CYTH2: variants seen among roughly 807,000 people sequenced by gnomAD.
The protein encoded by CYTH2 is cytohesin 2.
Under a neutral mutation model 55.4 loss-of-function variants are expected in CYTH2, and 24 were observed. That is an observed-to-expected ratio of 0.43 (90% CI 0.31 to 0.61). The LOEUF is 0.61. Ranked by LOEUF, CYTH2 falls within the 20% of genes least tolerant of loss-of-function variation. CYTH2 has a pLI of 0.08. For synonymous variants in CYTH2, 221 were observed against 209.6 expected (o/e 1.05, Z -0.47); for missense variants, 378 against 533.5 (o/e 0.71, Z 2.87).
In CYTH2 at chr19:48,481,564, G is replaced by C. The variant is rs1230933847; in HGVS notation, c.*2354G>C. ...GTCTCACTTTGTGCCCTAGACTGGA[G>C]TGCAATGGCGCCATCTCGGCTTACT... On this transcript the variant is annotated 3_prime_UTR_variant, in exon 12 of 12. Coordinates refer to ENST00000452733, the MANE Select transcript of CYTH2 (RefSeq NM_004228.7). The C allele has an allele frequency of 6.1e-6, 1 of 164,552 alleles. No homozygotes were observed. The highest frequency in any genetic ancestry group is 1.3e-5 in the Non-Finnish European group (1 of 75,718). 10.2% of individuals were successfully genotyped at this position (164,552 alleles called of 1,614,324 possible). A position where few individuals can be genotyped will look rare whatever the true frequency, so the allele number is the denominator to read the frequency against.
In CYTH2 at chr19:48,481,525, GT is replaced by G; in HGVS notation, c.*2320del. 1 of 170,156 alleles carries G rather than the reference GT, an allele frequency of 5.9e-6. No homozygotes were observed. The highest frequency in any genetic ancestry group is 2.6e-3 in the Middle Eastern group (1 of 392). 10.5% of individuals were successfully genotyped at this position (170,156 alleles called of 1,614,324 possible). On this transcript the variant is annotated 3_prime_UTR_variant, in exon 12 of 12. Coordinates refer to ENST00000452733, the MANE Select transcript of CYTH2 (RefSeq NM_004228.7). ...TTTGTTTTTTGTTTTGTTTTGTTTT[GT>G]TTTTGAGAGGGAGTCTCACTTTGTG...
In CYTH2 at chr19:48,474,651, A is replaced by G. The variant is rs536380639; in HGVS notation, c.697-187A>G. 5.3e-5 allele frequency among the ~76,000 whole-genome samples: 8 copies of G among 151,722 alleles called. No homozygotes were observed. In the East Asian group the frequency reaches 1.4e-3, roughly 26 times the overall value. On this transcript the variant is annotated intron_variant, in intron 7 of 11. Coordinates refer to ENST00000452733, the MANE Select transcript of CYTH2 (RefSeq NM_004228.7). This position sits in a 1 kb window ranked among gnomAD's most constrained non-coding sequence, Gnocchi z 4.9. Reference sequence around the variant, plus strand: ...CGGCTCCTCCACCTATCACCAGGGCATCTCTTCTTTCCTCCGCCACCTCAG... The same window carrying G: ...CGGCTCCTCCACCTATCACCAGGGCGTCTCTTCTTTCCTCCGCCACCTCAG...
At chr19:48,472,039 G>A (rs1002016848) in intron 3 of CYTH2, among the ~76,000 whole-genome samples, 7 of 152,188 alleles carry the variant, frequency 4.6e-5, no homozygotes, top group Non-Finnish European at 7.3e-5. Flanking sequence ...CTGCAATAGA[G>A]CGAGACCAGG....
At position 48,470,379 on chromosome 19, in the gene CYTH2, C is replaced by T. The variant is rs1251265118; in HGVS notation, c.46C>T (p.Arg16Trp). ...YEPPDLTPEE[R>W]MELENIRRRK... ...ACCCCCAGACCTGACTCCGGAGGAG[C>T]GGATGGAGCTGGAGAACATCCGGCG... The change falls in exon 2 of 12, where the codon CGG becomes TGG. Residue 16 changes from arginine to tryptophan, a missense_variant. Transcript: ENST00000452733. The T allele has an allele frequency of 6.2e-7, 1 of 1,613,048 alleles. No individual in the cohort carries two copies. The highest frequency in any genetic ancestry group is 8.5e-7 in the Non-Finnish European group (1 of 1,179,584).
rs527976148 is a variant in CYTH2 at position 48,474,548 on chromosome 19, T to G, written c.696+218T>G. On this transcript the variant is annotated intron_variant, in intron 7 of 11. Transcript: ENST00000452733. The surrounding 1 kb of genome is among the most constrained non-coding windows in gnomAD (Gnocchi z 4.9). Reference sequence around the variant, plus strand: ...CCTGACAATTTTGGCCTGTCTGTCTTCTCTGTCTCTGGCTGTTGGGCTTTC... The same window carrying G: ...CCTGACAATTTTGGCCTGTCTGTCTGCTCTGTCTCTGGCTGTTGGGCTTTC... 1.2e-4 allele frequency among the ~76,000 whole-genome samples: 18 copies of G among 152,300 alleles called. No individual in the cohort carries two copies. The highest frequency in any genetic ancestry group is 3.4e-4 in the African/African-American group (14 of 41,558).
chr19:48,470,707 C>T (rs764557492), intron 3 of CYTH2, 38 bp downstream of exon 3: 4 of 1,613,336 alleles, frequency 2.5e-6, no homozygotes, highest in South Asian at 1.1e-5. Flanking sequence ...GCTGGGCAAA[C>T]ATCCAGGCAG....
At position 48,470,498 on chromosome 19, in the gene CYTH2, C is replaced by T; in HGVS notation, c.165C>T (p.Gly55=). ...SEVEGLEANE[G]SKTLQRNRKM... ...TGGAGGGGCTGGAGGCCAATGAGGGCAGGTGAGGGCTGGGGCGGATGACCT... is the reference window on the plus strand; with the variant it reads ...TGGAGGGGCTGGAGGCCAATGAGGGTAGGTGAGGGCTGGGGCGGATGACCT... The change falls in exon 2 of 12, where the codon GGC becomes GGT. Residue 55 remains glycine, a splice_region_variant and synonymous_variant. Coordinates refer to ENST00000452733, the MANE Select transcript of CYTH2 (RefSeq NM_004228.7). 6.2e-7 allele frequency: 1 copy of T among 1,613,592 alleles called. No homozygotes were observed. Among genetic ancestry groups the T allele is most frequent in the Non-Finnish European group, 8.5e-7 (1 of 1,179,626 alleles).
chr19:48,469,447 C>A lies in CYTH2; in HGVS notation c.-61C>A. Reference sequence around the variant, plus strand: ...GGGCTCACCCGAGCCCGCGGGCCAACGCGGATCCAGGCCCGACTGGCGGGA... The same window carrying A: ...GGGCTCACCCGAGCCCGCGGGCCAAAGCGGATCCAGGCCCGACTGGCGGGA... On this transcript the variant is annotated 5_prime_UTR_variant, in exon 1 of 12. Transcript: ENST00000452733. 1 of 1,319,444 alleles carries A rather than the reference C, an allele frequency of 7.6e-7. No homozygotes were observed. The highest frequency in any genetic ancestry group is 9.7e-7 in the Non-Finnish European group (1 of 1,025,874). The allele number at this position is 1,319,444 out of a possible 1,614,324, so 81.7% of individuals were successfully genotyped here.
chr19:48,478,419 C>T lies in CYTH2; in HGVS notation c.958-19C>T. ...CCCAGGGCTGGTTCTTACCTGCGCC[C>T]TTCCTCTCTCGTCCCCAGAACTGCT... On this transcript the variant is annotated intron_variant, in intron 10 of 11. Coordinates refer to ENST00000452733, the MANE Select transcript of CYTH2 (RefSeq NM_004228.7). 1.2e-6 allele frequency: 2 copies of T among 1,613,300 alleles called. No homozygotes were observed. Among genetic ancestry groups the T allele is most frequent in the Admixed American group, 1.7e-5 (1 of 59,970 alleles).
chr19:48,478,169 C>T (rs780917536), intron 9 of CYTH2, 24 bp downstream of exon 9: 1 of 1,613,438 alleles, frequency 6.2e-7, no homozygotes, highest in East Asian at 2.2e-5. Context: ...GACCCGGGCT[C>T]TGGGGTCCTG....
At position 48,479,125 on chromosome 19, in the gene CYTH2, C is replaced by A. The variant is rs544398866; in HGVS notation, c.1115C>A (p.Ala372Glu). 2 of 1,613,998 alleles carry A rather than the reference C, an allele frequency of 1.2e-6. No homozygotes were observed. The highest frequency in any genetic ancestry group is 2.2e-5 in the East Asian group (1 of 44,868). Residue 372 changes from alanine to glutamate, a missense_variant and splice_region_variant, in exon 12 of 12, where the codon GCG becomes GAG. By Grantham distance (107) the Ala-to-Glu change is moderately radical (BLOSUM62 -1). Coordinates refer to ENST00000452733, the MANE Select transcript of CYTH2 (RefSeq NM_004228.7). Reference protein sequence around the residue: ...EKDEWIKSIQAAVSVDPFYEM... With the variant: ...EKDEWIKSIQEAVSVDPFYEM... Reference sequence around the variant, plus strand: ...CTGGGACCCCTCCCCTTCTGCAGGGCGGCTGTGAGTGTGGACCCCTTCTAT... The same window carrying A: ...CTGGGACCCCTCCCCTTCTGCAGGGAGGCTGTGAGTGTGGACCCCTTCTAT...
chr19:48,470,928 G>C (rs1336405814), intron 3 of CYTH2, among the ~76,000 whole-genome samples: 1 of 152,072 alleles, frequency 6.6e-6, no homozygotes, highest in Non-Finnish European at 1.5e-5. Flanking sequence ...CGCATTTCTG[G>C]TCCCAAGATG....
At chr19:48,469,750 G>T in intron 1 of CYTH2, 1 of 728,226 alleles carries the variant, frequency 1.4e-6, no homozygotes, top group African/African-American at 1.8e-5. Flanking sequence ...GTGGCGGCGG[G>T]AGGGGCGGGA....
At chr19:48,472,016 A>G (rs1367272325) in intron 3 of CYTH2, among the ~76,000 whole-genome samples, 1 of 152,244 alleles carries the variant, frequency 6.6e-6, no homozygotes, top group East Asian at 1.9e-4. Context: ...TGATCACGCC[A>G]CTGCACTCCA....
In CYTH2 at chr19:48,474,071, C is replaced by A; in HGVS notation, c.547+54C>A. On this transcript the variant is annotated intron_variant, in intron 6 of 11. Coordinates refer to ENST00000452733, the MANE Select transcript of CYTH2 (RefSeq NM_004228.7). This position sits in a 1 kb window ranked among gnomAD's most constrained non-coding sequence, Gnocchi z 4.9. ...AAAGAGGAGACTGGGGCCCAGACTC[C>A]TAGGTCTGAGGGAGGGAGGGGGCTG... 1 of 1,558,898 alleles carries A rather than the reference C, an allele frequency of 6.4e-7. No homozygotes were observed. Among genetic ancestry groups the A allele is most frequent in the Non-Finnish European group, 8.7e-7 (1 of 1,152,034 alleles).
chr19:48,469,655 C>T, intron 1 of CYTH2, 129 bp downstream of exon 1: 2 of 1,335,572 alleles, frequency 1.5e-6, no homozygotes, highest in Admixed American at 3.3e-5. Context: ...CTTGTCGCGC[C>T]GCTTTTGTTG....
Position 48,480,800 on chromosome 19 carries a change from C to T in CYTH2, c.*1590C>T, listed in dbSNP as rs1306033044. 2 of 152,256 alleles carry T rather than the reference C, an allele frequency of 1.3e-5. No individual in the cohort carries two copies. The highest frequency in any genetic ancestry group is 4.8e-5 in the African/African-American group (2 of 41,462). The allele number at this position is 152,256 out of a possible 1,614,324, so 9.4% of individuals were successfully genotyped here. On this transcript the variant is annotated 3_prime_UTR_variant, in exon 12 of 12. Transcript: ENST00000452733. Reference sequence around the variant, plus strand: ...CCAAGAAGGTCGTGGGAGATGAGGTCCCAGGGTAAACAGCGGGTCCCGCCA... The same window carrying T: ...CCAAGAAGGTCGTGGGAGATGAGGTTCCAGGGTAAACAGCGGGTCCCGCCA...
chr19:48,477,064 A>T (rs1971929408), intron 8 of CYTH2: 1 of 152,220 alleles, frequency 6.6e-6, no homozygotes, highest in Non-Finnish European at 1.5e-5. Flanking sequence ...GAAATACAGG[A>T]GTGGAGATTG....
In CYTH2 at chr19:48,479,855, C is replaced by G. The variant is rs1268899213; in HGVS notation, c.*645C>G. On this transcript the variant is annotated 3_prime_UTR_variant, in exon 12 of 12. Transcript: ENST00000452733. The stretch of plus-strand genomic sequence containing the variant: ...CAGGGAAGGATGAGTGGGGAGGTGG[C>G]CCATGTCCTGCAAGGGCCTTGCTGA... 1 of 149,150 alleles carries G rather than the reference C, an allele frequency of 6.7e-6. No individual in the cohort carries two copies. Among genetic ancestry groups the G allele is most frequent in the Non-Finnish European group, 1.5e-5 (1 of 66,872 alleles). 9.2% of individuals were successfully genotyped at this position (149,150 alleles called of 1,614,324 possible).
Sources: gnomAD v4.1 joint callset for allele counts (sites outside exome capture counted in the v4.1 genomes callset) on GRCh38, gnomAD v4.1.1 for gene constraint, Gnocchi (gnomAD v3.1) non-coding constraint, MANE v1.5 for transcripts, NCBI Gene and HGNC (gene_info 2026-07-23, HGNC 2026-07-21) for gene names.